Variants in PDS5B observed in about 807,000 individuals in gnomAD.
PDS5B encodes PDS5 cohesin associated factor B, also known as sister chromatid cohesion protein PDS5 homolog B.
A neutral mutation model predicts 184.1 loss-of-function variants in PDS5B; 51 were observed. That is an observed-to-expected ratio of 0.28 (90% confidence interval 0.22 to 0.35). The LOEUF (loss-of-function observed/expected upper bound fraction) is 0.35, where lower values mean the gene tolerates loss of function less well. Ranked by LOEUF, PDS5B falls within the 10% of genes least tolerant of loss-of-function variation. The pLI, the probability that PDS5B is intolerant of heterozygous loss-of-function variation, is 1.00. For missense variants in PDS5B, 1,180 were observed against 1,723.3 expected, an observed-to-expected ratio of 0.68 and a Z score of 5.58; for synonymous variants, 566 against 569.2, an observed-to-expected ratio of 0.99 and a Z score of 0.08.
chr13:32,663,042 T>C (rs971707567), intron 6 of PDS5B, among the ~76,000 whole-genome samples: 1 of 152,090 alleles, frequency 6.6e-6, no homozygotes, highest in Non-Finnish European at 1.5e-5. Context: ...ACAAATAGCC[T>C]ATAACCAATA....
intron 19 of PDS5B, among the ~76,000 whole-genome samples, chr13:32,720,043 C>T (rs1204982569): frequency 1.3e-5 from 2 of 152,136 alleles, no homozygotes; most frequent in African/African-American, 4.8e-5. Context: ...AGTAATCTGT[C>T]CGCCTTGGCC....
At position 32,755,847 on chromosome 13, in the gene PDS5B, T is replaced by A; in HGVS notation, c.2947T>A (p.Leu983Ile). 1 of 1,323,280 alleles carries A rather than the reference T, an allele frequency of 7.6e-7. No homozygotes were observed. Among genetic ancestry groups the A allele is most frequent in the Non-Finnish European group, 1.0e-6 (1 of 964,454 alleles). The allele number at this position is 1,323,280 out of a possible 1,614,324, so 82.0% of individuals were successfully genotyped here. Residue 983 changes from leucine (L) to isoleucine (I), a missense_variant, in exon 26 of 35, where the codon TTA (leucine) becomes ATA (isoleucine). Leu to Ile is a conservative substitution (Grantham distance 5). This residue lies in a region of PDS5B where 57 missense variants were observed against 80.9 expected (regional missense o/e 0.70). Coordinates refer to ENST00000315596, the MANE Select transcript of PDS5B (RefSeq NM_015032.4). ...LKQHAAVSEKLLSLLPEYVVP... is the reference protein window; with the variant it reads ...LKQHAAVSEKILSLLPEYVVP... The stretch of plus-strand genomic sequence containing the variant: ...TTGTTTGTTTTCTTTTTCAGAAAAA[T>A]TATTGTCTCTTCTACCAGAGTATGT...
At chr13:32,662,060 C>A (rs561611480) in intron 6 of PDS5B, among the ~76,000 whole-genome samples, 2 of 152,164 alleles carry the variant, frequency 1.3e-5, no homozygotes, top group South Asian at 4.1e-4. Flanking sequence ...TTGGATTGAA[C>A]ATAATCTGGG....
intron 1 of PDS5B, 94 bp from the exon 2 acceptor site, chr13:32,648,660 C>T (rs550254101): frequency 3.3e-6 from 2 of 600,892 alleles, no homozygotes; most frequent in South Asian, 2.1e-5. Flanking sequence ...GAGGTAGTTA[C>T]AAATTTTGGT....
At chr13:32,710,684 CTCT>C (rs1244054678) in intron 19 of PDS5B, among the ~76,000 whole-genome samples, 4 of 152,182 alleles carry the variant, frequency 2.6e-5, no homozygotes, top group African/African-American at 9.7e-5. Context: ...CTATGTATAT[CTCT>C]TCTTCTAGTT....
chr13:32,748,297 C>T (rs1953834745), intron 24 of PDS5B, among the ~76,000 whole-genome samples: 1 of 151,962 alleles, frequency 6.6e-6, no homozygotes, highest in African/African-American at 2.4e-5. Context: ...TGTCATTTGC[C>T]TTTGTTGTTT....
At chr13:32,623,622 T>G (rs2058331551) in intron 1 of PDS5B, among the ~76,000 whole-genome samples, 1 of 152,202 alleles carries the variant, frequency 6.6e-6, no homozygotes, top group South Asian at 2.1e-4. Flanking sequence ...TGTTATAATT[T>G]CGCAAGGCAG....
intron 17 of PDS5B, among the ~76,000 whole-genome samples, chr13:32,703,098 T>C (rs2140875937): frequency 6.6e-6 from 1 of 152,234 alleles, no homozygotes; most frequent in South Asian, 2.1e-4. Context: ...GGAACTGTTT[T>C]TGAAGGAGGT....
intron 1 of PDS5B, among the ~76,000 whole-genome samples, chr13:32,608,269 C>G (rs2058089941): frequency 6.6e-6 from 1 of 152,152 alleles, no homozygotes; most frequent in African/African-American, 2.4e-5. Flanking sequence ...TCACCTGCCT[C>G]TTCTCTACCT....
chr13:32,628,552 G>GA (rs35988429), intron 1 of PDS5B, among the ~76,000 whole-genome samples: 53,180 of 139,166 alleles, frequency 0.38, 10,204 homozygotes, highest in Non-Finnish European at 0.44. Flanking sequence ...CCATCTCAGG[G>GA]AAAAAAAAAA....
In PDS5B at chr13:32,667,861, ATTGG is replaced by A; in HGVS notation, c.705+21_705+24del. 7.0e-7 allele frequency: 1 copy of A among 1,437,806 alleles called. No individual in the cohort carries two copies. Among genetic ancestry groups the A allele is most frequent in the Non-Finnish European group, 9.5e-7 (1 of 1,051,678 alleles). 89.1% of individuals were successfully genotyped at this position (1,437,806 alleles called of 1,614,324 possible). Reference sequence around the variant, plus strand: ...ATTACCAATGTAAGTCTTACTTGTAATTGGTTGTCAGAAGGATTAAACTGAAAAT... The same window carrying A: ...ATTACCAATGTAAGTCTTACTTGTAATTGTCAGAAGGATTAAACTGAAAAT... On this transcript the variant is annotated intron_variant, in intron 7 of 34. Coordinates refer to ENST00000315596, the MANE Select transcript of PDS5B (RefSeq NM_015032.4).
intron 28 of PDS5B, among the ~76,000 whole-genome samples, chr13:32,759,333 T>C (rs1954296647): frequency 6.6e-6 from 1 of 152,114 alleles, no homozygotes; most frequent in Non-Finnish European, 1.5e-5. Flanking sequence ...AGCAGAGTAA[T>C]AGGAATATGT....
intron 20 of PDS5B, among the ~76,000 whole-genome samples, chr13:32,732,512 C>T (rs775535265): frequency 1.1e-4 from 17 of 151,972 alleles, no homozygotes; most frequent in Non-Finnish European, 1.8e-4. Flanking sequence ...CATATAAAAT[C>T]ATAGTTACAG....
intron 19 of PDS5B, among the ~76,000 whole-genome samples, chr13:32,717,449 G>C (rs1952495119): frequency 6.8e-6 from 1 of 146,294 alleles, no homozygotes; most frequent in Admixed American, 6.9e-5. Flanking sequence ...CATGGATTAA[G>C]GGCGGTGCAA....
rs182729195 is a variant in PDS5B, at chr13:32,687,100, T to G, written c.1204-34T>G. Reference sequence around the variant, plus strand: ...TCCTTAATTTATATAATGGAAGCCTTTTTACATTATAAATAAAACTTTTTG... The same window carrying G: ...TCCTTAATTTATATAATGGAAGCCTGTTTACATTATAAATAAAACTTTTTG... On this transcript the variant is annotated intron_variant, in intron 11 of 34. Coordinates refer to ENST00000315596, the MANE Select transcript of PDS5B (RefSeq NM_015032.4). 5.6e-5 allele frequency: 86 copies of G among 1,537,846 alleles called. No individual in the cohort carries two copies. The African/African-American group carries it at 9.6e-4, about 17-fold the overall frequency.
At chr13:32,726,680 T>A (rs1952912410) in intron 19 of PDS5B, among the ~76,000 whole-genome samples, 1 of 152,224 alleles carries the variant, frequency 6.6e-6, no homozygotes, top group African/African-American at 2.4e-5. Context: ...CCATTTGTGC[T>A]TTTCTTTGGT....
chr13:32,771,031 G>T, intron 33 of PDS5B: 4 of 307,586 alleles, frequency 1.3e-5, no homozygotes, highest in East Asian at 1.2e-4. Context: ...GAAATCATAA[G>T]GTATTTTTAA....
intron 23 of PDS5B, among the ~76,000 whole-genome samples, chr13:32,744,495 A>G (rs2140979487): frequency 6.6e-6 from 1 of 152,276 alleles, no homozygotes; most frequent in African/African-American, 2.4e-5. Flanking sequence ...TTAAACTTTT[A>G]TGTAAGATTT....
intron 10 of PDS5B, among the ~76,000 whole-genome samples, chr13:32,680,004 A>G (rs146890195): frequency 6.7e-6 from 1 of 149,976 alleles, no homozygotes; most frequent in East Asian, 2.0e-4. Context: ...CTAATACAGT[A>G]TTTTCTCTGA....
Sources: allele counts gnomAD v4.1 joint callset (sites outside exome capture counted in the v4.1 genomes callset), GRCh38; gene constraint gnomAD v4.1.1; regional missense constraint gnomAD v4.1.1; transcripts MANE v1.5; gene names NCBI Gene and HGNC (gene_info 2026-07-23, HGNC 2026-07-21).